The following GLCE variants were observed in gnomAD, a reference collection of about 807,000 sequenced individuals.
GLCE encodes D-glucuronyl C5-epimerase.
Under a neutral mutation model 47.9 loss-of-function variants are expected in GLCE, and 19 were observed. The observed-to-expected ratio is 0.40, with a 90% CI of 0.28 to 0.58. The LOEUF is 0.58. GLCE is among the 20% of genes least tolerant of loss of function. The pLI is 0.48. For synonymous variants in GLCE, 245 were observed against 263.4 expected (o/e 0.93, Z 0.68); for missense variants, 556 against 743.3 (o/e 0.75, Z 2.93).
chr15:69,248,782 AG>A (rs2052793047), intron 2 of GLCE, among the ~76,000 whole-genome samples: 1 of 152,016 alleles, frequency 6.6e-6, no homozygotes, highest in Admixed American at 6.6e-5. Context: ...TTGTATTTTT[AG>A]TACAGATGGG....
intron 1 of GLCE, among the ~76,000 whole-genome samples, chr15:69,172,542 T>C (rs1023437528): frequency 6.6e-6 from 1 of 152,242 alleles, no homozygotes; most frequent in Non-Finnish European, 1.5e-5. Context: ...CATTAAGTTA[T>C]TGTTTTACAG....
chr15:69,176,213 C>CTTGT (rs2051660030), intron 1 of GLCE, among the ~76,000 whole-genome samples: 1 of 52,572 alleles, frequency 1.9e-5, no homozygotes, highest in Non-Finnish European at 4.7e-5. Context: ...TCAGTGGAAC[C>CTTGT]TTGTTTTTTT....
intron 1 of GLCE, among the ~76,000 whole-genome samples, chr15:69,168,817 C>A (rs2051542999): frequency 1.3e-5 from 2 of 152,170 alleles, no homozygotes; most frequent in Admixed American, 1.3e-4. Context: ...CAGGCGTGAG[C>A]CACTGCCCCT....
chr15:69,248,688 G>A (rs1037616915), intron 2 of GLCE, among the ~76,000 whole-genome samples: 6 of 151,968 alleles, frequency 3.9e-5, no homozygotes, highest in African/African-American at 1.4e-4. Flanking sequence ...GTGCAATGGC[G>A]ATCTCAGCTC....
At chr15:69,222,649 G>A (rs2052393528) in intron 2 of GLCE, among the ~76,000 whole-genome samples, 1 of 152,118 alleles carries the variant, frequency 6.6e-6, no homozygotes, top group Non-Finnish European at 1.5e-5. Flanking sequence ...CTCTTTCAGT[G>A]TGATTTTCTC....
chr15:69,209,422 C>T (rs2052197193), intron 1 of GLCE, among the ~76,000 whole-genome samples: 1 of 149,142 alleles, frequency 6.7e-6, no homozygotes, highest in Non-Finnish European at 1.5e-5. Flanking sequence ...AGACAGTCAA[C>T]CCAGTTAGAG....
intron 2 of GLCE, among the ~76,000 whole-genome samples, chr15:69,228,588 A>G (rs1242120246): frequency 6.6e-6 from 1 of 152,224 alleles, no homozygotes; most frequent in Non-Finnish European, 1.5e-5. Context: ...GAAACAAACA[A>G]TAGGCTAATG....
At chr15:69,244,812 CT>C (rs2052724274) in intron 2 of GLCE, among the ~76,000 whole-genome samples, 1 of 152,080 alleles carries the variant, frequency 6.6e-6, no homozygotes, top group South Asian at 2.1e-4. Flanking sequence ...TTTAGTAAAT[CT>C]TTTTGTGGGT....
intron 1 of GLCE, among the ~76,000 whole-genome samples, chr15:69,176,390 A>G (rs1213672352): frequency 1.3e-5 from 2 of 151,244 alleles, no homozygotes; most frequent in African/African-American, 4.9e-5. Context: ...CACCTGGCTA[A>G]TTTTTGTATT....
chr15:69,238,168 A>G (rs185292208), intron 2 of GLCE, among the ~76,000 whole-genome samples: 6 of 152,346 alleles, frequency 3.9e-5, no homozygotes, highest in Non-Finnish European at 5.9e-5. Flanking sequence ...TTTTAAAAAC[A>G]TATTTTAGTT....
chr15:69,254,779 A>G (rs2052897957), intron 2 of GLCE, among the ~76,000 whole-genome samples: 2 of 152,202 alleles, frequency 1.3e-5, no homozygotes, highest in South Asian at 2.1e-4. Context: ...TGTATTGGAT[A>G]TACGTATCTG....
chr15:69,261,600 A>G (rs1388932504), intron 4 of GLCE, among the ~76,000 whole-genome samples: 2 of 152,212 alleles, frequency 1.3e-5, no homozygotes, highest in African/African-American at 4.8e-5. Flanking sequence ...ACCTGCCTCC[A>G]GGGGTCTATA....
intron 2 of GLCE, among the ~76,000 whole-genome samples, chr15:69,234,356 G>A (rs549665638): frequency 1.3e-5 from 2 of 151,994 alleles, no homozygotes; most frequent in South Asian, 2.1e-4. Context: ...TGGGGATGCC[G>A]CCCCATAGAA....
chr15:69,221,202 T>C (rs984417050), intron 2 of GLCE, among the ~76,000 whole-genome samples: 6 of 152,222 alleles, frequency 3.9e-5, no homozygotes, highest in Non-Finnish European at 7.3e-5. Flanking sequence ...TTGGTTCTTT[T>C]TTAAGATTGT....
intron 2 of GLCE, among the ~76,000 whole-genome samples, chr15:69,219,714 G>C (rs763496530): frequency 2.0e-5 from 3 of 151,938 alleles, no homozygotes; most frequent in Non-Finnish European, 4.4e-5. Flanking sequence ...GTTTTCACTT[G>C]TTTAAATTGT....
At chr15:69,199,647 G>A (rs939290150) in intron 1 of GLCE, among the ~76,000 whole-genome samples, 2 of 152,154 alleles carry the variant, frequency 1.3e-5, no homozygotes, top group Admixed American at 6.5e-5. Context: ...ACCCAGTGAC[G>A]TACCCAAGCT....
intron 2 of GLCE, among the ~76,000 whole-genome samples, chr15:69,234,074 T>C (rs1338687036): frequency 6.6e-6 from 1 of 151,126 alleles, no homozygotes; most frequent in African/African-American, 2.4e-5. Context: ...GCCTCCTGGG[T>C]TCAAGCGATT....
At chr15:69,263,724 C>G (rs2053045735) in intron 4 of GLCE, among the ~76,000 whole-genome samples, 1 of 152,026 alleles carries the variant, frequency 6.6e-6, no homozygotes, top group African/African-American at 2.4e-5. Context: ...GGGAGCTTCT[C>G]TTCTTCTGCC....
intron 1 of GLCE, among the ~76,000 whole-genome samples, chr15:69,163,669 C>T (rs768959140): frequency 2.0e-5 from 3 of 152,192 alleles, no homozygotes; most frequent in African/African-American, 4.8e-5. Context: ...TTGGATTCTT[C>T]AGGAGGGAGT....
Sources: allele counts gnomAD v4.1 joint callset (sites outside exome capture counted in the v4.1 genomes callset), GRCh38; gene constraint gnomAD v4.1.1; transcripts MANE v1.5; gene names NCBI Gene and HGNC (gene_info 2026-07-23, HGNC 2026-07-21).